The following SCHIP1 variants were observed in gnomAD, a reference collection of about 807,000 sequenced individuals.
The protein encoded by SCHIP1 is schwannomin interacting protein 1, also known as schwannomin-interacting protein 1.
SCHIP1 carries 8 observed loss-of-function variants against 29.7 expected under a neutral mutation model. That is an observed-to-expected ratio of 0.27 (90% CI 0.16 to 0.49). The LOEUF (loss-of-function observed/expected upper bound fraction) is 0.49, where lower values mean the gene tolerates loss of function less well. Ranked by LOEUF, SCHIP1 falls within the 20% of genes least tolerant of loss-of-function variation. The pLI is 0.99. For missense variants in SCHIP1, 193 were observed against 294.6 expected (o/e 0.66, Z 2.52); for synonymous variants, 76 against 94.9 (o/e 0.80, Z 1.16).
chr3:159,573,126 T>C, the SCHIP1 span, among the ~76,000 whole-genome samples: 1 of 152,214 alleles, frequency 6.6e-6, no homozygotes, highest in Non-Finnish European at 1.5e-5. Flanking sequence ...AGGTTAATAT[T>C]GTTATATGTG....
the SCHIP1 span, among the ~76,000 whole-genome samples, chr3:159,596,984 A>C: frequency 6.8e-6 from 1 of 147,938 alleles, no homozygotes. Context: ...AGCATCTTTA[A>C]AAAAAAAAAA....
chr3:159,586,589 C>G, the SCHIP1 span, among the ~76,000 whole-genome samples: 1 of 152,136 alleles, frequency 6.6e-6, no homozygotes, highest in African/African-American at 2.4e-5. Context: ...TGGATGGCAT[C>G]ACAGCAGATC....
chr3:159,869,067 C>G (rs1224355836), intron 2 of SCHIP1, among the ~76,000 whole-genome samples: 1 of 151,940 alleles, frequency 6.6e-6, no homozygotes, highest in African/African-American at 2.4e-5. Flanking sequence ...CTGTTTGGGT[C>G]CTATGCCAAA....
the SCHIP1 span, among the ~76,000 whole-genome samples, chr3:159,384,115 A>G: frequency 1.2e-4 from 18 of 151,138 alleles, no homozygotes; most frequent in South Asian, 2.1e-4. Context: ...TCTCCTGCCT[A>G]ATTGCCCTGG....
chr3:159,295,096 TAAAAG>T, the SCHIP1 span, among the ~76,000 whole-genome samples: 1 of 151,886 alleles, frequency 6.6e-6, no homozygotes, highest in Non-Finnish European at 1.5e-5. Context: ...AAACCTCACA[TAAAAG>T]AAGAGTCCAA....
chr3:159,757,065 T>C, the SCHIP1 span, among the ~76,000 whole-genome samples: 1 of 152,250 alleles, frequency 6.6e-6, no homozygotes, highest in African/African-American at 2.4e-5. Context: ...AACCTCTGCC[T>C]GTTCCCTAGT....
At chr3:159,618,824 T>C in the SCHIP1 span, among the ~76,000 whole-genome samples, 1 of 152,248 alleles carries the variant, frequency 6.6e-6, no homozygotes, top group African/African-American at 2.4e-5. Flanking sequence ...TGAGTCCTGC[T>C]TGAGATGGGA....
the SCHIP1 span, among the ~76,000 whole-genome samples, chr3:159,812,480 G>A: frequency 5.3e-5 from 8 of 152,070 alleles, no homozygotes; most frequent in African/African-American, 1.4e-4. Flanking sequence ...TTGTGTAAAC[G>A]AACAGTTTCA....
chr3:159,556,662 G>A, the SCHIP1 span, among the ~76,000 whole-genome samples: 18 of 149,958 alleles, frequency 1.2e-4, no homozygotes, highest in African/African-American at 2.7e-4. Context: ...GTAAACTATC[G>A]CAAGGACAAA....
chr3:159,528,732 C>T, the SCHIP1 span, among the ~76,000 whole-genome samples: 6 of 152,154 alleles, frequency 3.9e-5, no homozygotes, highest in Admixed American at 6.5e-5. Context: ...CCTGCATCCC[C>T]GAAACATAAT....
At chr3:159,489,900 T>TATATGTATGTAATTTTGTAGAAAG in the SCHIP1 span, among the ~76,000 whole-genome samples, 63 of 152,182 alleles carry the variant, frequency 4.1e-4, no homozygotes, top group Admixed American at 3.5e-3. Flanking sequence ...TGTATATTTT[T>TATATGTATGTAATTTTGTAGAAAG]ATATGTATGT....
chr3:159,355,047 TAGA>T, the SCHIP1 span, among the ~76,000 whole-genome samples: 1 of 152,146 alleles, frequency 6.6e-6, no homozygotes, highest in Non-Finnish European at 1.5e-5. Flanking sequence ...CCAGGGCAGC[TAGA>T]AGGTTTGCCA....
At chr3:159,701,905 T>C in the SCHIP1 span, among the ~76,000 whole-genome samples, 2 of 152,162 alleles carry the variant, frequency 1.3e-5, no homozygotes, top group East Asian at 1.9e-4. Context: ...AGCATGTTCT[T>C]TGAATGAAGA....
chr3:159,446,021 T>TATAATA, the SCHIP1 span, among the ~76,000 whole-genome samples: 1,109 of 149,842 alleles, frequency 7.4e-3, 12 homozygotes, highest in African/African-American at 0.025. Flanking sequence ...AAACTTAAAG[T>TATAATA]ATAATAATAA....
intron 2 of SCHIP1, among the ~76,000 whole-genome samples, chr3:159,883,201 C>G (rs1716620040): frequency 6.6e-6 from 1 of 152,142 alleles, no homozygotes; most frequent in Non-Finnish European, 1.5e-5. Context: ...ATCAAGTAAC[C>G]TTGAATTGGA....
the SCHIP1 span, among the ~76,000 whole-genome samples, chr3:159,717,883 G>C: frequency 6.6e-6 from 1 of 152,172 alleles, no homozygotes; most frequent in African/African-American, 2.4e-5. Context: ...CATTTTATGA[G>C]GCCAGCATCA....
the SCHIP1 span, among the ~76,000 whole-genome samples, chr3:159,357,191 G>A: frequency 1.3e-5 from 2 of 152,258 alleles, no homozygotes; most frequent in South Asian, 2.1e-4. Flanking sequence ...ATCATGTTTC[G>A]CTGTCTAGCA....
chr3:159,651,669 G>A, the SCHIP1 span, among the ~76,000 whole-genome samples: 1 of 152,120 alleles, frequency 6.6e-6, no homozygotes, highest in African/African-American at 2.4e-5. Context: ...AATTATGAAA[G>A]CATTACACCC....
chr3:159,707,358 T>G, the SCHIP1 span, among the ~76,000 whole-genome samples: 2 of 152,174 alleles, frequency 1.3e-5, no homozygotes, highest in Non-Finnish European at 2.9e-5. Context: ...TTATTTAAGC[T>G]CTCAGCACTT....
Sources: allele counts gnomAD v4.1 joint callset (sites outside exome capture counted in the v4.1 genomes callset), GRCh38; gene constraint gnomAD v4.1.1; transcripts MANE v1.5; gene names NCBI Gene and HGNC (gene_info 2026-07-23, HGNC 2026-07-21).